Variants in NCOA6 observed in about 807,000 individuals in gnomAD.
NCOA6 encodes nuclear receptor coactivator 6, also known as NRC RAP250.
Under a neutral mutation model 171.4 loss-of-function variants are expected in NCOA6, and 49 were observed. The observed-to-expected ratio is 0.29, with a 90% confidence interval of 0.23 to 0.36. NCOA6 has a LOEUF of 0.36. NCOA6 is among the 10% of genes least tolerant of loss of function. NCOA6 has a pLI of 1.00. For missense variants in NCOA6, 2,248 were observed against 2,554.5 expected (o/e 0.88, Z 2.59); for synonymous variants, 910 against 927.5 (o/e 0.98, Z 0.34).
At position 34,742,470 on chromosome 20, in the gene NCOA6, A is replaced by C. The variant is rs753694542; in HGVS notation, c.3786T>G (p.Pro1262=). 1.2e-5 allele frequency: 20 copies of C among 1,614,196 alleles called. No homozygotes were observed. Among genetic ancestry groups the C allele is most frequent in the Non-Finnish European group, 7.6e-6 (9 of 1,180,020 alleles). Residue 1262 remains proline, a synonymous_variant, in exon 11 of 15, where the codon CCT becomes CCG. Transcript: ENST00000359003. ...CAAAGCCCCTGTTTAAATTTGGCCT[A>C]GGAGGTAAAGGAATATTAATCTGTG... ...FPPQINIPLP[P]RPNLNRGFDQ...
chr20:34,770,772 G>C (rs1421289086), intron 4 of NCOA6, among the ~76,000 whole-genome samples: 1 of 152,044 alleles, frequency 6.6e-6, no homozygotes, highest in Non-Finnish European at 1.5e-5. Context: ...TGGGATTACA[G>C]GTGCTTGCCA....
intron 4 of NCOA6, among the ~76,000 whole-genome samples, chr20:34,771,399 T>C (rs2077147104): frequency 6.6e-6 from 1 of 152,176 alleles, no homozygotes; most frequent in Admixed American, 6.5e-5. Flanking sequence ...CCTTCCAAAG[T>C]GCTGGGATTA....
intron 5 of NCOA6, among the ~76,000 whole-genome samples, chr20:34,764,410 T>TA (rs1420402458): frequency 6.6e-6 from 1 of 152,110 alleles, no homozygotes; most frequent in Non-Finnish European, 1.5e-5. Context: ...TTAAATGTTA[T>TA]AGGCCGGACG....
At chr20:34,766,685 A>G (rs2076992866) in intron 5 of NCOA6, among the ~76,000 whole-genome samples, 1 of 152,190 alleles carries the variant, frequency 6.6e-6, no homozygotes. Flanking sequence ...GCGTCTTAAC[A>G]TTTTAAGCCT....
At position 34,742,815 on chromosome 20, in the gene NCOA6, T is replaced by C. The variant is rs754399837; in HGVS notation, c.3441A>G (p.Pro1147=). 5 of 1,614,180 alleles carry C rather than the reference T, an allele frequency of 3.1e-6. No individual in the cohort carries two copies. In the South Asian group the frequency reaches 4.4e-5, roughly 14 times the overall value. ...GSEAPSVPGG[P]NNMPSHVVLP... ...GTACTACATGTGAAGGCATGTTGTT[T>C]GGGCCTCCTGGGACAGATGGTGCTT... Residue 1147 remains proline, a synonymous_variant, in exon 11 of 15, where the codon CCA becomes CCG. Coordinates refer to ENST00000359003, the MANE Select transcript of NCOA6 (RefSeq NM_014071.5).
chr20:34,740,981 G>C lies in NCOA6; in HGVS notation c.5275C>G (p.Pro1759Ala), dbSNP rs751717705. 5.0e-6 allele frequency: 8 copies of C among 1,614,208 alleles called. No homozygotes were observed. In the South Asian group the frequency reaches 7.7e-5, roughly 16 times the overall value. ...TSSPVVPSHP[P>A]VQQVKELNPD... ...TTCAATTCTTTCACTTGCTGCACAG[G>C]GGGATGAGAAGGGACAACTGGAGAA... The change falls in exon 11 of 15, where the codon CCT (proline) becomes GCT (alanine). Residue 1759 changes from proline (P) to alanine (A), a missense_variant. By Grantham distance (27) the Pro-to-Ala change is conservative (BLOSUM62 -1). This residue lies in a region of NCOA6 where 884 missense variants were observed against 941.9 expected (regional missense o/e 0.94). Transcript: ENST00000359003.
intron 1 of NCOA6, among the ~76,000 whole-genome samples, chr20:34,821,829 C>T (rs1457671724): frequency 1.3e-5 from 2 of 152,162 alleles, no homozygotes; most frequent in Non-Finnish European, 2.9e-5. Flanking sequence ...CCTCGTGATC[C>T]GCCCGCCTCG....
rs529727656 is a variant in NCOA6, at chr20:34,721,349, G to A, written c.6148+5910C>T. On this transcript the variant is annotated intron_variant, in intron 14 of 14. Transcript: ENST00000359003. ...GAACACATCTACCTGCTAAGAGGGT[G>A]GTGCACCAACTCCACAGGGATGGAA... 1.2e-4 allele frequency among the ~76,000 whole-genome samples: 18 copies of A among 151,758 alleles called. No individual in the cohort carries two copies. In the South Asian group the frequency reaches 1.9e-3, roughly 16 times the overall value.
rs550318411 is a variant in NCOA6, at chr20:34,750,399, G to C, written c.1796C>G (p.Ser599Cys). 2.7e-5 allele frequency: 43 copies of C among 1,614,074 alleles called. 1 individual carries two copies. The South Asian group carries it at 4.7e-4, about 18-fold the overall frequency. ...GCTGAGGTTCACTTGAGGAACCCCA[G>C]AAGTACCAGCCTGCTGATTGTTCAT... ...GNMNNQQAGTSGVPQVNLSNM... is the reference protein window; with the variant it reads ...GNMNNQQAGTCGVPQVNLSNM... The change falls in exon 9 of 15, where the codon TCT (serine) becomes TGT (cysteine). Residue 599 changes from serine (S) to cysteine (C), a missense_variant. By Grantham distance (112) the Ser-to-Cys change is moderately radical. Coordinates refer to ENST00000359003, the MANE Select transcript of NCOA6 (RefSeq NM_014071.5).
chr20:34,785,361 G>A (rs1449708160), intron 2 of NCOA6, among the ~76,000 whole-genome samples: 2 of 151,426 alleles, frequency 1.3e-5, no homozygotes, highest in Non-Finnish European at 2.9e-5. Context: ...TTGGGAGGCA[G>A]AGGCAGGAGT....
intron 8 of NCOA6, among the ~76,000 whole-genome samples, chr20:34,752,777 A>C (rs1036320497): frequency 6.6e-6 from 1 of 151,930 alleles, no homozygotes; most frequent in Non-Finnish European, 1.5e-5. Context: ...AAAAATTAAA[A>C]AAATAGCAGG....
At chr20:34,725,128 C>A (rs533596753) in intron 14 of NCOA6, among the ~76,000 whole-genome samples, 1 of 152,258 alleles carries the variant, frequency 6.6e-6, no homozygotes, top group South Asian at 2.1e-4. Flanking sequence ...CAGGGCCTGA[C>A]ATGTAGTAAA....
chr20:34,808,009 G>T (rs1210726575), intron 1 of NCOA6, among the ~76,000 whole-genome samples: 8 of 151,736 alleles, frequency 5.3e-5, no homozygotes, highest in Non-Finnish European at 1.0e-4. Flanking sequence ...AATTAGCTGG[G>T]TGTGGTGGCA....
chr20:34,736,732 C>T lies in NCOA6; in HGVS notation c.5920G>A (p.Glu1974Lys). 2 of 1,611,200 alleles carry T rather than the reference C, an allele frequency of 1.2e-6. No individual in the cohort carries two copies. The highest frequency in any genetic ancestry group is 1.7e-6 in the Non-Finnish European group (2 of 1,178,430). ...IAPSQNLVSK[E>K]TSTTALQASV... ...GCCTGCAGTGCTGTGGTTGAAGTTTCCTTTGAGACTAAATTCTGCGACGGG... is the reference window on the plus strand; with the variant it reads ...GCCTGCAGTGCTGTGGTTGAAGTTTTCTTTGAGACTAAATTCTGCGACGGG... The change falls in exon 12 of 15, where the codon GAA (glutamate) becomes AAA (lysine). Residue 1974 changes from glutamate to lysine, a missense_variant. By Grantham distance (56) the Glu-to-Lys change is moderately conservative. Around this residue, in one of 7 missense-constraint regions of NCOA6, gnomAD observed 884 missense variants for 941.9 expected, o/e 0.94. Transcript: ENST00000359003.
intron 1 of NCOA6, among the ~76,000 whole-genome samples, chr20:34,794,619 C>A (rs1413104564): frequency 2.0e-5 from 3 of 152,032 alleles, no homozygotes; most frequent in Non-Finnish European, 4.4e-5. Flanking sequence ...GTACCTTGTG[C>A]TACTTTTTTT....
intron 3 of NCOA6, among the ~76,000 whole-genome samples, chr20:34,779,215 T>C (rs1003160512): frequency 6.6e-6 from 1 of 152,078 alleles, no homozygotes; most frequent in African/African-American, 2.4e-5. Context: ...AGTTAGCTGA[T>C]AAAAAAGTTA....
At chr20:34,732,706 C>T in intron 12 of NCOA6, 111 bp from the exon 13 acceptor site, 1 of 844,046 alleles carries the variant, frequency 1.2e-6, no homozygotes, top group Non-Finnish European at 1.9e-6. Flanking sequence ...TCCCTGTGCC[C>T]AGCAGGATTC....
At chr20:34,756,568 G>A (rs957634645) in intron 7 of NCOA6, among the ~76,000 whole-genome samples, 4 of 152,076 alleles carry the variant, frequency 2.6e-5, no homozygotes, top group Non-Finnish European at 5.9e-5. Context: ...TACTGTAATC[G>A]TTTTACCTCT....
Position 34,715,003 on chromosome 20 carries a change from TAGG to T in NCOA6, c.*316_*318del, listed in dbSNP as rs1467169674. ...GTACTTCCACGGCACAATACATCAT[TAGG>T]AGATCTAAAAATGCTCACCCTGTAC... On this transcript the variant is annotated 3_prime_UTR_variant, in exon 15 of 15. Transcript: ENST00000359003. 1.0e-5 allele frequency: 3 copies of T among 286,162 alleles called. No homozygotes were observed. Among genetic ancestry groups the T allele is most frequent in the Non-Finnish European group, 2.1e-5 (3 of 146,146 alleles). The allele number at this position is 286,162 out of a possible 1,614,324, so 17.7% of individuals were successfully genotyped here.
Sources: allele counts gnomAD v4.1 joint callset (sites outside exome capture counted in the v4.1 genomes callset), GRCh38; gene constraint gnomAD v4.1.1; regional missense constraint gnomAD v4.1.1; transcripts MANE v1.5; gene names NCBI Gene and HGNC (gene_info 2026-07-23, HGNC 2026-07-21).